PCK2: variants seen among roughly 807,000 people sequenced by gnomAD.
The protein encoded by PCK2 is phosphoenolpyruvate carboxykinase [GTP], mitochondrial.
Under a neutral mutation model 65.9 loss-of-function variants are expected in PCK2, and 56 were observed. The ratio of observed to expected loss-of-function variants is 0.85; its 90% CI spans 0.69 to 1.06. PCK2 has a LOEUF of 1.06. Among genes scored for constraint, PCK2 ranks in the 50% least tolerant of loss-of-function variants. PCK2 has a pLI of 0.00. For missense variants in PCK2, 843 were observed against 863.1 expected (o/e 0.98, Z 0.29); for synonymous variants, 305 against 319.6 (o/e 0.95, Z 0.49).
In PCK2 at chr14:24,103,499, T is replaced by A; in HGVS notation, c.1469-11T>A. ...AAGGAAGATTCCTTACCCATCTTGC[T>A]TCCCCCCCAGGGAAGATCATCATGC... On this transcript the variant is annotated splice_polypyrimidine_tract_variant and intron_variant, in intron 9 of 9. Transcript: ENST00000216780. The A allele has an allele frequency of 1.3e-6, 2 of 1,535,118 alleles. No individual in the cohort carries two copies. The highest frequency in any genetic ancestry group is 2.6e-5 in the South Asian group (2 of 77,562).
In PCK2 at chr14:24,096,879, G is replaced by T; in HGVS notation, c.30-13G>T. ...TGACAGCAACTAGCTCATTGCCTCT[G>T]TTTCTCCTATAGGCTTAACTGGCAT... On this transcript the variant is annotated splice_polypyrimidine_tract_variant and intron_variant, in intron 1 of 9. Coordinates refer to ENST00000216780, the MANE Select transcript of PCK2 (RefSeq NM_004563.4). 6.2e-7 allele frequency: 1 copy of T among 1,606,812 alleles called. No individual in the cohort carries two copies.
chr14:24,094,817 C>G lies in PCK2; in HGVS notation c.29+383C>G. 7 of 1,332,546 alleles carry G rather than the reference C, an allele frequency of 5.3e-6. No homozygotes were observed. The highest frequency in any genetic ancestry group is 6.9e-6 in the Non-Finnish European group (7 of 1,017,262). The allele number at this position is 1,332,546 out of a possible 1,614,324, so 82.5% of individuals were successfully genotyped here. ...TCTCAGCCAGCGCCCCAGGGTACTT[C>G]GAGAGGCAGCAGGGCCCTGGGGACA... On this transcript the variant is annotated intron_variant, in intron 1 of 9. Coordinates refer to ENST00000216780, the MANE Select transcript of PCK2 (RefSeq NM_004563.4). This position sits in a 1 kb window ranked among gnomAD's most constrained non-coding sequence, Gnocchi z 4.1.
In PCK2 at chr14:24,103,820, T is replaced by C. The variant is rs1360853236; in HGVS notation, c.1779T>C (p.Thr593=). 1 of 1,614,054 alleles carries C rather than the reference T, an allele frequency of 6.2e-7. No individual in the cohort carries two copies. The highest frequency in any genetic ancestry group is 8.5e-7 in the Non-Finnish European group (1 of 1,179,998). Reference sequence around the variant, plus strand: ...GCGGCCTCAGAGCTATAGACACCACTCAGCTGTTCTCCCTCCCCAAGGACT... The same window carrying C: ...GCGGCCTCAGAGCTATAGACACCACCCAGCTGTTCTCCCTCCCCAAGGACT... The part of the protein sequence containing the change: ...DLSGLRAIDT[T]QLFSLPKDFW... Residue 593 remains threonine (T), a synonymous_variant, in exon 10 of 10, where the codon ACT becomes ACC. Coordinates refer to ENST00000216780, the MANE Select transcript of PCK2 (RefSeq NM_004563.4).
chr14:24,099,489 C>G, intron 5 of PCK2, 69 bp from the exon 6 acceptor site: 4 of 1,431,540 alleles, frequency 2.8e-6, no homozygotes, highest in Non-Finnish European at 3.8e-6. Flanking sequence ...CCTAGCTGCC[C>G]TTCCCCATGC....
chr14:24,101,422 C>T (rs374309718), intron 7 of PCK2, among the ~76,000 whole-genome samples: 34 of 152,330 alleles, frequency 2.2e-4, no homozygotes, highest in African/African-American at 7.5e-4. Context: ...GGCACCATGT[C>T]CACTCAGGGG....
At chr14:24,100,360 A>G in intron 7 of PCK2, 147 bp downstream of exon 7, 2 of 1,456,898 alleles carry the variant, frequency 1.4e-6, no homozygotes, top group South Asian at 2.9e-5. Context: ...TCCCAGGCAA[A>G]ATCTCAGTTC....
chr14:24,102,965 TCCAGAGCCTCAG>T (rs1350453102), intron 8 of PCK2, 75 bp downstream of exon 8: 1 of 1,457,298 alleles, frequency 6.9e-7, no homozygotes, highest in African/African-American at 1.4e-5. Context: ...CTCCCTCTGA[TCCAGAGCCTCAG>T]CCTGGATCTC....
In PCK2 at chr14:24,098,545, GCTCA is replaced by G. The variant is rs2037006192; in HGVS notation, c.534_537del (p.Asp180GlnfsTer11). On this transcript the variant is annotated frameshift_variant, in exon 4 of 10. Transcript: ENST00000216780. LOFTEE classifies it high-confidence loss of function. ...CCCCGCTGTCCCGCATCGGGGTGCAGCTCACTGACTCAGCCTATGTGGTGGCAAG... is the reference window on the plus strand; with the variant it reads ...CCCCGCTGTCCCGCATCGGGGTGCAGCTGACTCAGCCTATGTGGTGGCAAG... 6.2e-7 allele frequency: 1 copy of G among 1,614,080 alleles called. No individual in the cohort carries two copies. Among genetic ancestry groups the G allele is most frequent in the African/African-American group, 1.3e-5 (1 of 74,948 alleles).
rs772156334 is a variant in PCK2, at chr14:24,103,753, C to T, written c.1712C>T (p.Thr571Ile). 1.2e-6 allele frequency: 2 copies of T among 1,614,188 alleles called. No individual in the cohort carries two copies. The highest frequency in any genetic ancestry group is 2.2e-5 in the East Asian group (1 of 44,888). Residue 571 changes from threonine to isoleucine, a missense_variant, in exon 10 of 10, where the codon ACA becomes ATA. By Grantham distance (89) the Thr-to-Ile change is moderately conservative. Coordinates refer to ENST00000216780, the MANE Select transcript of PCK2 (RefSeq NM_004563.4). ...RLEGEDSARE[T>I]PIGLVPKEGA... is the part of the protein sequence containing the mutation. ...GAGGGGGAGGACAGTGCCCGAGAGA[C>T]ACCCATTGGGCTGGTGCCAAAGGAA...
In PCK2 at chr14:24,100,194, G is replaced by A. The variant is rs1225674763; in HGVS notation, c.1215G>A (p.Leu405=). 5.6e-6 allele frequency: 9 copies of A among 1,614,034 alleles called. No homozygotes were observed. The highest frequency in any genetic ancestry group is 7.6e-6 in the Non-Finnish European group (9 of 1,180,020). ...CTGGTGTTACTGTGACCTCCTGGCT[G>A]GGCAAACCCTGGAAACCTGGTATGT... ...LPPGVTVTSW[L]GKPWKPGDKE... Residue 405 remains leucine, a synonymous_variant, in exon 7 of 10, where the codon CTG becomes CTA. Transcript: ENST00000216780.
At chr14:24,098,150 G>A (rs920599399) in intron 2 of PCK2, 53 bp from the exon 3 acceptor site, 16 of 1,517,078 alleles carry the variant, frequency 1.1e-5, no homozygotes, top group Non-Finnish European at 1.4e-5. Context: ...GTGGGTCTAG[G>A]GACAAGGGAA....
At chr14:24,099,345 CG>C in intron 5 of PCK2, 109 bp downstream of exon 5, 1 of 1,162,248 alleles carries the variant, frequency 8.6e-7, no homozygotes, top group Non-Finnish European at 1.2e-6. Flanking sequence ...GGCTGGTGGG[CG>C]GGGACTCTAC....
At chr14:24,103,313 C>A in intron 9 of PCK2, 58 bp downstream of exon 9, 1 of 1,397,084 alleles carries the variant, frequency 7.2e-7, no homozygotes. Context: ...GTCCTCTCTC[C>A]CTTCCTGAGC....
In PCK2 at chr14:24,096,937, T is replaced by C. The variant is rs143673313; in HGVS notation, c.75T>C (p.Arg25=). The C allele has an allele frequency of 1.9e-5, 31 of 1,613,710 alleles. No individual in the cohort carries two copies. In the African/African-American group the frequency reaches 3.3e-4, roughly 17 times the overall value. The change falls in exon 2 of 10, where the codon CGT becomes CGC. Residue 25 remains arginine, a synonymous_variant. Coordinates refer to ENST00000216780, the MANE Select transcript of PCK2 (RefSeq NM_004563.4). ...GCCCCTTGGGCTGGCCATCATGCCG[T>C]AGCATCCAGACCCTGCGAGTGCTTA... ...GLSPLGWPSC[R]SIQTLRVLSG... is the part of the protein sequence containing the mutation.
rs781135451 is a variant in PCK2 at position 24,098,511 on chromosome 14, C to T, written c.497C>T (p.Pro166Leu). ...TMYVLPFSMGPVGSPLSRIGV... is the reference protein window; with the variant it reads ...TMYVLPFSMGLVGSPLSRIGV... ...TATGTGCTTCCATTCAGCATGGGTC[C>T]TGTGGGCTCCCCGCTGTCCCGCATC... The change falls in exon 4 of 10, where the codon CCT (proline) becomes CTT (leucine). Residue 166 changes from proline (P) to leucine (L), a missense_variant. By Grantham distance (98) the Pro-to-Leu change is moderately conservative. Transcript: ENST00000216780. 6.8e-6 allele frequency: 11 copies of T among 1,614,156 alleles called. No individual in the cohort carries two copies. The highest frequency in any genetic ancestry group is 8.5e-6 in the Non-Finnish European group (10 of 1,180,004).
At position 24,097,030 on chromosome 14, in the gene PCK2, A is replaced by C. The variant is rs755700790; in HGVS notation, c.168A>C (p.Gln56His). 3.7e-6 allele frequency: 6 copies of C among 1,613,622 alleles called. No homozygotes were observed. The highest frequency in any genetic ancestry group is 3.4e-6 in the Non-Finnish European group (4 of 1,179,888). Reference protein sequence around the residue: ...DFVEHSARLCQPEGIHICDGT... With the variant: ...DFVEHSARLCHPEGIHICDGT... ...TAGAGCACAGTGCCCGCCTGTGCCA[A>C]CCAGAGGGCATCCACATCTGTGATG... Residue 56 changes from glutamine to histidine, a missense_variant, in exon 2 of 10, where the codon CAA becomes CAC. Coordinates refer to ENST00000216780, the MANE Select transcript of PCK2 (RefSeq NM_004563.4).
At chr14:24,096,852 G>A (rs1353888058) in intron 1 of PCK2, 40 bp from the exon 2 acceptor site, 8 of 1,587,260 alleles carry the variant, frequency 5.0e-6, no homozygotes, top group South Asian at 2.2e-5. Context: ...GTCCACTCTC[G>A]ATGACAGCAA....
Position 24,099,989 on chromosome 14 carries a change from T to G in PCK2, c.1016-6T>G, listed in dbSNP as rs775921197. On this transcript the variant is annotated splice_region_variant and splice_polypyrimidine_tract_variant and intron_variant, in intron 6 of 9. Transcript: ENST00000216780. ...GGTCCTTCCTTTCTTTCACTTCTCC[T>G]AACAGGTCGACTCCGGGCCATCAAC... 7.4e-6 allele frequency: 12 copies of G among 1,614,094 alleles called. No individual in the cohort carries two copies. In the East Asian group the frequency reaches 1.3e-4, roughly 18 times the overall value.
In PCK2 at chr14:24,098,549, A is replaced by G. The variant is rs1325907538; in HGVS notation, c.535A>G (p.Thr179Ala). 6.2e-7 allele frequency: 1 copy of G among 1,614,178 alleles called. No individual in the cohort carries two copies. The highest frequency in any genetic ancestry group is 1.3e-5 in the African/African-American group (1 of 75,046). ...SPLSRIGVQLTDSAYVVASMR... is the reference protein window; with the variant it reads ...SPLSRIGVQLADSAYVVASMR... ...GCTGTCCCGCATCGGGGTGCAGCTC[A>G]CTGACTCAGCCTATGTGGTGGCAAG... Residue 179 changes from threonine to alanine, a missense_variant, in exon 4 of 10, where the codon ACT (threonine) becomes GCT (alanine). By Grantham distance (58) the Thr-to-Ala change is moderately conservative. Transcript: ENST00000216780.
Sources: allele counts gnomAD v4.1 joint callset (sites outside exome capture counted in the v4.1 genomes callset), GRCh38; gene constraint gnomAD v4.1.1; non-coding constraint Gnocchi (gnomAD v3.1); transcripts MANE v1.5; gene names NCBI Gene and HGNC (gene_info 2026-07-23, HGNC 2026-07-21).